AUH: variants seen among roughly 807,000 people sequenced by gnomAD.
AUH encodes the protein methylglutaconyl-CoA hydratase, mitochondrial.
AUH carries 29 observed loss-of-function variants against 42.3 expected under a neutral mutation model. That is an observed-to-expected ratio of 0.69 (90% CI 0.51 to 0.93). AUH has a LOEUF of 0.93. Ranked by LOEUF, AUH falls within the 40% of genes least tolerant of loss-of-function variation. AUH has a pLI of 0.00. For missense variants in AUH, 452 were observed against 438.1 expected (o/e 1.03, Z -0.28); for synonymous variants, 174 against 166.4 (o/e 1.05, Z -0.35).
At chr9:91,231,038 C>T (rs1260446763) in intron 6 of AUH, among the ~76,000 whole-genome samples, 2 of 152,224 alleles carry the variant, frequency 1.3e-5, no homozygotes, top group African/African-American at 4.8e-5. Flanking sequence ...GTGGAGCCTA[C>T]AGAGGCACGC....
At chr9:91,294,268 G>A (rs948477580) in intron 6 of AUH, among the ~76,000 whole-genome samples, 10 of 152,166 alleles carry the variant, frequency 6.6e-5, no homozygotes, top group African/African-American at 1.7e-4. Context: ...ACACATTTCA[G>A]GCTGGGCGTG....
chr9:91,252,254 C>T (rs1176772304), intron 6 of AUH, among the ~76,000 whole-genome samples: 2 of 152,034 alleles, frequency 1.3e-5, no homozygotes, highest in African/African-American at 4.8e-5. Context: ...CTTGAGCCAC[C>T]GCAGCCGGCC....
At chr9:91,256,600 G>A (rs1443048159) in intron 6 of AUH, among the ~76,000 whole-genome samples, 2 of 152,080 alleles carry the variant, frequency 1.3e-5, no homozygotes, top group East Asian at 3.9e-4. Context: ...GGGTAGGAGG[G>A]TGTCTAAGAG....
chr9:91,280,078 T>C (rs950312049), intron 6 of AUH, among the ~76,000 whole-genome samples: 1 of 152,178 alleles, frequency 6.6e-6, no homozygotes, highest in African/African-American at 2.4e-5. Context: ...TTACAGGCAC[T>C]AGAGGTTCAA....
intron 6 of AUH, among the ~76,000 whole-genome samples, chr9:91,239,566 A>G (rs988023950): frequency 1.3e-5 from 2 of 152,232 alleles, no homozygotes; most frequent in African/African-American, 4.8e-5. Flanking sequence ...CAATGAAAGC[A>G]TCAGGGTTAA....
intron 6 of AUH, among the ~76,000 whole-genome samples, chr9:91,228,247 T>C (rs1308655519): frequency 6.6e-6 from 1 of 152,242 alleles, no homozygotes; most frequent in African/African-American, 2.4e-5. Flanking sequence ...TATTGGTCTA[T>C]TCAGAGATTC....
At chr9:91,314,456 C>T (rs904702127) in intron 4 of AUH, among the ~76,000 whole-genome samples, 1 of 149,288 alleles carries the variant, frequency 6.7e-6, no homozygotes, top group African/African-American at 2.5e-5. Flanking sequence ...GCACTCCAGC[C>T]TGGGCGACAC....
intron 3 of AUH, among the ~76,000 whole-genome samples, chr9:91,352,682 T>C (rs1331555414): frequency 6.6e-6 from 1 of 152,168 alleles, no homozygotes; most frequent in African/African-American, 2.4e-5. Context: ...AGAAAAAAGA[T>C]GTAGCCAAAT....
intron 6 of AUH, among the ~76,000 whole-genome samples, chr9:91,265,828 G>T (rs1027332838): frequency 2.0e-5 from 3 of 152,112 alleles, no homozygotes; most frequent in Non-Finnish European, 4.4e-5. Context: ...TTAGGCTAGG[G>T]CTTTTCAACC....
intron 3 of AUH, among the ~76,000 whole-genome samples, chr9:91,332,905 CTG>C (rs1345411228): frequency 6.6e-6 from 1 of 152,248 alleles, no homozygotes; most frequent in Non-Finnish European, 1.5e-5. Context: ...AAAACCCTCA[CTG>C]TGCATCCTTC....
intron 3 of AUH, among the ~76,000 whole-genome samples, chr9:91,327,005 A>T (rs1303050662): frequency 6.6e-6 from 1 of 152,126 alleles, no homozygotes; most frequent in Admixed American, 6.6e-5. Flanking sequence ...GCTGCCCAGC[A>T]ATCCTACTGT....
chr9:91,216,733 A>AGTTATT (rs1826841477), intron 8 of AUH, among the ~76,000 whole-genome samples: 1 of 152,188 alleles, frequency 6.6e-6, no homozygotes, highest in African/African-American at 2.4e-5. Flanking sequence ...TGAAAAGTCC[A>AGTTATT]ATAAATGGGT....
intron 4 of AUH, among the ~76,000 whole-genome samples, chr9:91,310,035 A>C (rs1587830291): frequency 6.6e-6 from 1 of 152,150 alleles, no homozygotes; most frequent in Admixed American, 6.5e-5. Flanking sequence ...ACCTGGGTCA[A>C]CCTGCCTCAA....
chr9:91,290,632 T>C (rs1462959086), intron 6 of AUH, among the ~76,000 whole-genome samples: 1 of 152,158 alleles, frequency 6.6e-6, no homozygotes, highest in Non-Finnish European at 1.5e-5. Flanking sequence ...AACTTAAGTA[T>C]ATTGGGAAAA....
chr9:91,301,799 T>C (rs1827805907), intron 4 of AUH, among the ~76,000 whole-genome samples: 1 of 152,142 alleles, frequency 6.6e-6, no homozygotes, highest in Non-Finnish European at 1.5e-5. Flanking sequence ...CACAAAATGA[T>C]GAGAAATTTG....
At chr9:91,285,494 A>C (rs1008514186) in intron 6 of AUH, among the ~76,000 whole-genome samples, 3 of 152,082 alleles carry the variant, frequency 2.0e-5, no homozygotes, top group Non-Finnish European at 4.4e-5. Context: ...GACAGAAGCC[A>C]CACTGTTTTT....
At chr9:91,343,945 T>C (rs922286071) in intron 3 of AUH, among the ~76,000 whole-genome samples, 2 of 152,298 alleles carry the variant, frequency 1.3e-5, no homozygotes, top group East Asian at 3.9e-4. Context: ...GCCAACTGAC[T>C]GATGGACCCT....
intron 6 of AUH, among the ~76,000 whole-genome samples, chr9:91,232,613 G>A (rs556070860): frequency 6.6e-6 from 1 of 152,324 alleles, no homozygotes; most frequent in Non-Finnish European, 1.5e-5. Context: ...AGATCAGCAA[G>A]CAGAAACTGA....
At chr9:91,284,018 C>CA (rs781606394) in intron 6 of AUH, among the ~76,000 whole-genome samples, 1 of 151,072 alleles carries the variant, frequency 6.6e-6, no homozygotes, top group Non-Finnish European at 1.5e-5. Context: ...AATCCTAAGC[C>CA]AAAAGAACAA....
Sources: gnomAD v4.1 joint callset for allele counts (sites outside exome capture counted in the v4.1 genomes callset) on GRCh38, gnomAD v4.1.1 for gene constraint, MANE v1.5 for transcripts, NCBI Gene and HGNC (gene_info 2026-07-23, HGNC 2026-07-21) for gene names.